Variants in FRMD4B observed in about 807,000 individuals in gnomAD.
The protein encoded by FRMD4B is FERM domain containing 4B.
FRMD4B carries 74 observed loss-of-function variants against 141.5 expected under a neutral mutation model. That is an observed-to-expected ratio of 0.52 (90% CI 0.43 to 0.63). The LOEUF is 0.63. FRMD4B is among the 30% of genes least tolerant of loss of function. The pLI, the probability that FRMD4B is intolerant of heterozygous loss-of-function variation, is 0.00. For synonymous variants in FRMD4B, 506 were observed against 467.9 expected (o/e 1.08, Z -1.05); for missense variants, 1,366 against 1,253.4 (o/e 1.09, Z -1.36).
At chr3:69,379,891 CAA>C (rs1704069890) in intron 1 of FRMD4B, among the ~76,000 whole-genome samples, 1 of 152,224 alleles carries the variant, frequency 6.6e-6, no homozygotes, top group Non-Finnish European at 1.5e-5. Flanking sequence ...TTTACAAAAA[CAA>C]GAGGCAAGCC....
chr3:69,262,459 CTTTTTTTTTTTTTT>C (rs71618271), intron 5 of FRMD4B, among the ~76,000 whole-genome samples: 2 of 86,822 alleles, frequency 2.3e-5, no homozygotes, highest in Admixed American at 2.8e-4. Context: ...ACACAAATGA[CTTTTTTTTTTTTTT>C]TTTTTTTTTT....
chr3:69,542,030 A>G (rs1312152556), intron 1 of FRMD4B, among the ~76,000 whole-genome samples: 1 of 151,992 alleles, frequency 6.6e-6, no homozygotes, highest in Non-Finnish European at 1.5e-5. Flanking sequence ...GCTGCACTAG[A>G]CCTCGAGCCC....
intron 5 of FRMD4B, among the ~76,000 whole-genome samples, chr3:69,284,221 A>G (rs1239712864): frequency 6.6e-6 from 1 of 152,184 alleles, no homozygotes; most frequent in Non-Finnish European, 1.5e-5. Flanking sequence ...ACAGTCTGCC[A>G]GAGAAAAGAG....
chr3:69,479,517 T>G (rs7426934), intron 1 of FRMD4B, among the ~76,000 whole-genome samples: 30,102 of 152,036 alleles, frequency 0.2, 3,817 homozygotes, highest in African/African-American at 0.36. Flanking sequence ...TTTTCTTTAA[T>G]AATGTTGAAT....
rs958506561 is a variant in FRMD4B at position 69,255,546 on chromosome 3, TA to T, written c.502-5448del. On this transcript the variant is annotated intron_variant, in intron 5 of 22. Coordinates refer to ENST00000398540, the MANE Select transcript of FRMD4B (RefSeq NM_015123.3). ...GGTGACAAAGCAAGACCCCATCTCT[TA>T]AAAAAAAAGTTTGCAAAAAGAAAAA... Among the ~76,000 whole-genome samples, 21 of 151,080 alleles carry T rather than the reference TA, an allele frequency of 1.4e-4. 1 individual carries two copies. Among genetic ancestry groups the T allele is most frequent in the Admixed American group, 6.0e-4 (9 of 15,124 alleles).
chr3:69,295,624 G>A (rs995288018), intron 4 of FRMD4B, among the ~76,000 whole-genome samples: 1 of 151,990 alleles, frequency 6.6e-6, no homozygotes, highest in African/African-American at 2.4e-5. Flanking sequence ...TGGCCTGGGA[G>A]CATCATTGAC....
At chr3:69,403,040 T>C (rs1431260958) in intron 2 of FRMD4B, among the ~76,000 whole-genome samples, 1 of 152,180 alleles carries the variant, frequency 6.6e-6, no homozygotes, top group South Asian at 2.1e-4. Flanking sequence ...ATGCCAGCAG[T>C]AGCTAGATGT....
At chr3:69,413,142 G>A (rs1407869946) in intron 2 of FRMD4B, among the ~76,000 whole-genome samples, 2 of 152,024 alleles carry the variant, frequency 1.3e-5, no homozygotes, top group African/African-American at 2.4e-5. Flanking sequence ...TTTGTTGAAC[G>A]ACGGGATTAA....
intron 5 of FRMD4B, among the ~76,000 whole-genome samples, chr3:69,253,073 C>G (rs1423406585): frequency 1.3e-5 from 2 of 151,714 alleles, no homozygotes; most frequent in Non-Finnish European, 2.9e-5. Context: ...CTCAGTTGAC[C>G]AAGACACCAG....
intron 4 of FRMD4B, among the ~76,000 whole-genome samples, chr3:69,301,026 G>A (rs1168630381): frequency 2.0e-5 from 3 of 152,048 alleles, no homozygotes; most frequent in African/African-American, 7.2e-5. Flanking sequence ...GTGAGCCACC[G>A]CGCCTGGCTA....
intron 2 of FRMD4B, among the ~76,000 whole-genome samples, chr3:69,426,532 A>C (rs1705080671): frequency 6.6e-6 from 1 of 152,132 alleles, no homozygotes; most frequent in African/African-American, 2.4e-5. Context: ...GAGTTCTACA[A>C]AGAAAGGGTG....
At chr3:69,371,307 G>C (rs540192777) in intron 1 of FRMD4B, among the ~76,000 whole-genome samples, 2 of 152,250 alleles carry the variant, frequency 1.3e-5, no homozygotes, top group East Asian at 3.9e-4. Context: ...AGAGGGGAAG[G>C]GTGCTGGGAG....
chr3:69,542,043 G>A (rs1701193622), intron 1 of FRMD4B, among the ~76,000 whole-genome samples: 1 of 152,134 alleles, frequency 6.6e-6, no homozygotes, highest in Non-Finnish European at 1.5e-5. Flanking sequence ...TCGAGCCCCA[G>A]GGCGGGGTTT....
At chr3:69,353,179 AG>A (rs1201406853) in intron 1 of FRMD4B, among the ~76,000 whole-genome samples, 1 of 152,180 alleles carries the variant, frequency 6.6e-6, no homozygotes, top group African/African-American at 2.4e-5. Flanking sequence ...TATTTGCCAA[AG>A]TTCTAAAGCA....
At chr3:69,235,189 TA>T (rs1559740564) in intron 7 of FRMD4B, among the ~76,000 whole-genome samples, 19 of 144,852 alleles carry the variant, frequency 1.3e-4, no homozygotes, top group African/African-American at 4.8e-4. Flanking sequence ...ATAATAATAA[TA>T]ATAATAATAT....
At chr3:69,269,503 T>A (rs2093584467) in intron 5 of FRMD4B, among the ~76,000 whole-genome samples, 1 of 149,914 alleles carries the variant, frequency 6.7e-6, no homozygotes, top group Non-Finnish European at 1.5e-5. Flanking sequence ...AGGAATCCCC[T>A]ACCTCTGATA....
chr3:69,523,726 T>C (rs565984815), intron 1 of FRMD4B, among the ~76,000 whole-genome samples: 1 of 152,240 alleles, frequency 6.6e-6, no homozygotes, highest in East Asian at 1.9e-4. Context: ...GGGGTTCTGT[T>C]ACCAAGAATG....
At chr3:69,479,939 C>T (rs1378434244) in intron 1 of FRMD4B, among the ~76,000 whole-genome samples, 1 of 152,122 alleles carries the variant, frequency 6.6e-6, no homozygotes, top group Non-Finnish European at 1.5e-5. Context: ...CTTCCCTTCT[C>T]GCTTCATTTC....
rs760647191 is a variant in FRMD4B, at chr3:69,170,825, A to T, written c.*1036T>A. ...TTGTTGTTTTTCTTTTTTAATGTTA[A>T]CCTTGTTTTTGTCACTTGGTGACTT... On this transcript the variant is annotated 3_prime_UTR_variant, in exon 23 of 23. Coordinates refer to ENST00000398540, the MANE Select transcript of FRMD4B (RefSeq NM_015123.3). The T allele has an allele frequency of 6.6e-6, 1 of 152,070 alleles. No homozygotes were observed. The highest frequency in any genetic ancestry group is 1.5e-5 in the Non-Finnish European group (1 of 68,010). 9.4% of individuals were successfully genotyped at this position (152,070 alleles called of 1,614,324 possible).
Sources: allele counts gnomAD v4.1 joint callset (sites outside exome capture counted in the v4.1 genomes callset), GRCh38; gene constraint gnomAD v4.1.1; transcripts MANE v1.5; gene names NCBI Gene and HGNC (gene_info 2026-07-23, HGNC 2026-07-21).